Variants in ACADSB observed in about 807,000 individuals in gnomAD.
ACADSB encodes the protein acyl-CoA dehydrogenase short/branched chain.
In ACADSB, 40 loss-of-function variants were observed where a neutral mutation model predicts 54.1. The ratio of observed to expected loss-of-function variants is 0.74; its 90% CI spans 0.57 to 0.96. The LOEUF (loss-of-function observed/expected upper bound fraction) is 0.96, where lower values mean the gene tolerates loss of function less well. ACADSB is among the 40% of genes least tolerant of loss of function. The pLI is 0.00. For missense variants in ACADSB, 530 were observed against 510.4 expected (o/e 1.04, Z -0.37); for synonymous variants, 182 against 182.8 (o/e 1.00, Z 0.03).
rs1270358784 is a variant in ACADSB, at chr10:123,056,539, G to A, written c.*2774G>A. On this transcript the variant is annotated 3_prime_UTR_variant, in exon 11 of 11. Coordinates refer to ENST00000358776, the MANE Select transcript of ACADSB (RefSeq NM_001609.4). ...ATAGCCAAACCATATCACTGGTGAT[G>A]CCACTTCTTCAGTATTAGGGATTCT... The A allele has an allele frequency of 6.6e-6, 1 of 152,584 alleles. No individual in the cohort carries two copies. The highest frequency in any genetic ancestry group is 2.4e-5 in the African/African-American group (1 of 41,448). 9.5% of individuals were successfully genotyped at this position (152,584 alleles called of 1,614,324 possible).
At chr10:123,049,768 C>G (rs911953770) in intron 8 of ACADSB, among the ~76,000 whole-genome samples, 1 of 152,136 alleles carries the variant, frequency 6.6e-6, no homozygotes, top group Non-Finnish European at 1.5e-5. Context: ...AAATAGATGT[C>G]AGATGTAAAG....
At chr10:123,020,507 T>C (rs1019434569) in intron 1 of ACADSB, among the ~76,000 whole-genome samples, 1 of 152,216 alleles carries the variant, frequency 6.6e-6, no homozygotes, top group Non-Finnish European at 1.5e-5. Context: ...ACATCTGGAT[T>C]GTTTCCAGTT....
At chr10:123,045,832 A>C (rs141977338) in intron 7 of ACADSB, among the ~76,000 whole-genome samples, 1 of 152,354 alleles carries the variant, frequency 6.6e-6, no homozygotes, top group East Asian at 1.9e-4. Context: ...GCTTCAGTTT[A>C]ATTACTCCAA....
intron 1 of ACADSB, among the ~76,000 whole-genome samples, chr10:123,030,526 C>CA (rs66574740): frequency 0.43 from 41,393 of 95,490 alleles, 7,414 homozygotes; most frequent in Non-Finnish European, 0.5. Context: ...GACTCTGTCT[C>CA]AAAAAAAAAA....
At chr10:123,010,351 C>T (rs1850006828) in intron 1 of ACADSB, among the ~76,000 whole-genome samples, 1 of 152,208 alleles carries the variant, frequency 6.6e-6, no homozygotes, top group Non-Finnish European at 1.5e-5. Flanking sequence ...TAAACTTAAC[C>T]TTCATATACT....
chr10:123,025,656 T>C (rs1413760691), intron 1 of ACADSB, among the ~76,000 whole-genome samples: 4 of 151,842 alleles, frequency 2.6e-5, no homozygotes, highest in African/African-American at 9.7e-5. Flanking sequence ...AGAAATTGAA[T>C]AGAAAAATGG....
chr10:123,026,706 T>A (rs1850257255), intron 1 of ACADSB, among the ~76,000 whole-genome samples: 1 of 143,568 alleles, frequency 7.0e-6, no homozygotes, highest in South Asian at 2.2e-4. Flanking sequence ...TGCAAATATC[T>A]CTTGAATATA....
At chr10:123,035,820 A>G (rs533445671) in intron 2 of ACADSB, among the ~76,000 whole-genome samples, 1 of 152,288 alleles carries the variant, frequency 6.6e-6, no homozygotes, top group East Asian at 1.9e-4. Context: ...CTTCAAAACC[A>G]GTAACTCTCC....
chr10:123,034,950 T>TC (rs1398019185), intron 2 of ACADSB, among the ~76,000 whole-genome samples: 2 of 151,694 alleles, frequency 1.3e-5, no homozygotes, highest in African/African-American at 4.8e-5. Context: ...TTTCTTTCTT[T>TC]TTTTTCTTTT....
intron 5 of ACADSB, among the ~76,000 whole-genome samples, chr10:123,041,787 A>G (rs1850477975): frequency 6.6e-6 from 1 of 152,124 alleles, no homozygotes; most frequent in South Asian, 2.1e-4. Flanking sequence ...GAGCATGTGC[A>G]TAGGTTATAT....
At chr10:123,042,227 A>C (rs937025833) in intron 5 of ACADSB, among the ~76,000 whole-genome samples, 1 of 151,850 alleles carries the variant, frequency 6.6e-6, no homozygotes. Context: ...CGGCCTCCCA[A>C]ATTGCTGGGA....
intron 1 of ACADSB, among the ~76,000 whole-genome samples, chr10:123,027,838 TGGG>T (rs1353685854): frequency 6.6e-6 from 1 of 152,186 alleles, no homozygotes; most frequent in Non-Finnish European, 1.5e-5. Context: ...TCCCTGAGCT[TGGG>T]GCTGGATCAG....
intron 6 of ACADSB, among the ~76,000 whole-genome samples, chr10:123,043,573 G>A (rs1308752719): frequency 1.3e-5 from 2 of 152,202 alleles, no homozygotes; most frequent in Admixed American, 1.3e-4. Context: ...GCTATTAAAC[G>A]TGAGCAGCAG....
At chr10:123,011,982 TA>T (rs1396491851) in intron 1 of ACADSB, among the ~76,000 whole-genome samples, 1 of 152,090 alleles carries the variant, frequency 6.6e-6, no homozygotes, top group Non-Finnish European at 1.5e-5. Context: ...CCCCGGGAGC[TA>T]GGACCACAGG....
intron 1 of ACADSB, among the ~76,000 whole-genome samples, chr10:123,010,373 G>A (rs568168983): frequency 2.3e-4 from 35 of 152,186 alleles, no homozygotes; most frequent in African/African-American, 7.2e-4. Flanking sequence ...CTGTCTCCCC[G>A]TCCTTAGAGA....
Position 123,056,642 on chromosome 10 carries a change from T to G in ACADSB, c.*2877T>G, listed in dbSNP as rs539733121. On this transcript the variant is annotated 3_prime_UTR_variant, in exon 11 of 11. Coordinates refer to ENST00000358776, the MANE Select transcript of ACADSB (RefSeq NM_001609.4). ...CAACAGAGAAATGAGAGTTTTGATA[T>G]TTTCTGAAAGAGGAACATGTGTTAG... 6.6e-6 allele frequency: 1 copy of G among 152,312 alleles called. No homozygotes were observed. Among genetic ancestry groups the G allele is most frequent in the Admixed American group, 6.5e-5 (1 of 15,286 alleles). The allele number at this position is 152,312 out of a possible 1,614,324, so 9.4% of individuals were successfully genotyped here.
At chr10:123,037,120 C>T (rs575311942) in intron 2 of ACADSB, among the ~76,000 whole-genome samples, 2 of 152,334 alleles carry the variant, frequency 1.3e-5, no homozygotes, top group African/African-American at 2.4e-5. Context: ...AGGGGACGCT[C>T]CTGGCAGCTA....
chr10:123,051,206 A>G lies in ACADSB; in HGVS notation c.1128+20A>G, dbSNP rs759013344. 2.0e-5 allele frequency: 28 copies of G among 1,377,104 alleles called. No individual in the cohort carries two copies. In the East Asian group the frequency reaches 6.4e-4, roughly 32 times the overall value. 85.3% of individuals were successfully genotyped at this position (1,377,104 alleles called of 1,614,324 possible). A position where few individuals can be genotyped will look rare whatever the true frequency, so the allele number is the denominator to read the frequency against. On this transcript the variant is annotated intron_variant, in intron 9 of 10. Transcript: ENST00000358776. ...TCAGAGGTAAAAAAAAAAAAAAAAA[A>G]AAAAAAGGAAAAAGTAATTCAGCCT...
intron 4 of ACADSB, 79 bp downstream of exon 4, chr10:123,040,751 A>G: frequency 7.3e-7 from 1 of 1,363,478 alleles, no homozygotes; most frequent in Non-Finnish European, 1.0e-6. Flanking sequence ...AAGTAGCTGC[A>G]ATGTCGACTT....
Sources: gnomAD v4.1 joint callset for allele counts (sites outside exome capture counted in the v4.1 genomes callset) on GRCh38, gnomAD v4.1.1 for gene constraint, MANE v1.5 for transcripts, NCBI Gene and HGNC (gene_info 2026-07-23, HGNC 2026-07-21) for gene names.